OR52K1: variants seen among roughly 807,000 people sequenced by gnomAD.
OR52K1 encodes olfactory receptor 52K1.
In OR52K1, 10 loss-of-function variants were observed where a neutral mutation model predicts 8.7. The ratio of observed to expected loss-of-function variants is 1.15; its 90% CI spans 0.71 to 1.95. OR52K1 has a LOEUF of 1.95. Among genes scored for constraint, OR52K1 ranks in the 30% most tolerant of loss-of-function variants. OR52K1 has a pLI of 0.00. For synonymous variants in OR52K1, 203 were observed against 148.5 expected, an observed-to-expected ratio of 1.37 and a Z score of -2.67; for missense variants, 431 against 397.2, an observed-to-expected ratio of 1.08 and a Z score of -0.72.
At position 4,489,299 on chromosome 11, in the gene OR52K1, C is replaced by T. The variant is rs763402416; in HGVS notation, c.399C>T (p.His133=). 2.9e-5 allele frequency: 47 copies of T among 1,614,128 alleles called. 1 individual carries two copies. The highest frequency in any genetic ancestry group is 1.9e-5 in the Non-Finnish European group (23 of 1,180,058). The change falls in exon 2 of 2, where the codon CAC becomes CAT. Residue 133 remains histidine, a synonymous_variant. Coordinates refer to ENST00000641528, the MANE Select transcript of OR52K1 (RefSeq NM_001005171.3). ...ATGTGGCCATCTGCAAGCCATTGCA[C>T]TACACGACGGTCCTGACTGGGTCCC... The part of the protein sequence containing the change: ...DRYVAICKPL[H]YTTVLTGSLI...
Position 4,490,184 on chromosome 11 carries a change from G to T in OR52K1, c.*339G>T. The T allele has an allele frequency of 4.3e-6, 1 of 234,226 alleles. No homozygotes were observed. 14.5% of individuals were successfully genotyped at this position (234,226 alleles called of 1,614,324 possible). A position where few individuals can be genotyped will look rare whatever the true frequency, so the allele number is the denominator to read the frequency against. ...CCCAAACAGCTGAGTCACCCAAACA[G>T]GTGACTTCTTTATCCAGGTATGAGT... On this transcript the variant is annotated 3_prime_UTR_variant, in exon 2 of 2. Coordinates refer to ENST00000641528, the MANE Select transcript of OR52K1 (RefSeq NM_001005171.3).
chr11:4,490,272 C>T lies in OR52K1; in HGVS notation c.*427C>T, dbSNP rs998593661. On this transcript the variant is annotated 3_prime_UTR_variant, in exon 2 of 2. Transcript: ENST00000641528. Reference sequence around the variant, plus strand: ...TTATTCCTTTTAGTACTGAAATTACCCCCATGTCTTTTCTGACAAGTACCC... The same window carrying T: ...TTATTCCTTTTAGTACTGAAATTACTCCCATGTCTTTTCTGACAAGTACCC... 1.2e-5 allele frequency: 2 copies of T among 165,502 alleles called. No homozygotes were observed. Among genetic ancestry groups the T allele is most frequent in the Non-Finnish European group, 2.7e-5 (2 of 75,050 alleles). 10.3% of individuals were successfully genotyped at this position (165,502 alleles called of 1,614,324 possible).
At chr11:4,483,932 T>C (rs1048976687) in intron 1 of OR52K1, among the ~76,000 whole-genome samples, 8 of 152,142 alleles carry the variant, frequency 5.3e-5, no homozygotes, top group Non-Finnish European at 1.2e-4. Context: ...TAAAATAGTA[T>C]TTTCCATTAA....
At chr11:4,483,491 C>A (rs906958490) in intron 1 of OR52K1, among the ~76,000 whole-genome samples, 1 of 152,192 alleles carries the variant, frequency 6.6e-6, no homozygotes, top group Admixed American at 6.5e-5. Context: ...GGGAAGAAGA[C>A]TGGCTCCATT....
In OR52K1 at chr11:4,491,889, T is replaced by C. The variant is rs1004181487; in HGVS notation, c.*2044T>C. ...CTCCCGTGACACAAGTTTATTTATATAACACACCTGCACATGTACCTCTAA... is the reference window on the plus strand; with the variant it reads ...CTCCCGTGACACAAGTTTATTTATACAACACACCTGCACATGTACCTCTAA... On this transcript the variant is annotated 3_prime_UTR_variant, in exon 2 of 2. Transcript: ENST00000641528. 1.1e-4 allele frequency: 16 copies of C among 152,262 alleles called. No homozygotes were observed. Among genetic ancestry groups the C allele is most frequent in the Admixed American group, 1.3e-4 (2 of 15,302 alleles). The allele number at this position is 152,262 out of a possible 1,614,324, so 9.4% of individuals were successfully genotyped here.
chr11:4,483,809 G>T (rs932170436), intron 1 of OR52K1, among the ~76,000 whole-genome samples: 2 of 152,134 alleles, frequency 1.3e-5, no homozygotes, highest in African/African-American at 4.8e-5. Flanking sequence ...TATTTTAGAA[G>T]AGTTTCTTAG....
At chr11:4,483,962 T>G (rs1329077027) in intron 1 of OR52K1, among the ~76,000 whole-genome samples, 1 of 152,264 alleles carries the variant, frequency 6.6e-6, no homozygotes, top group Non-Finnish European at 1.5e-5. Flanking sequence ...TTTATTCTGA[T>G]GCAGGTAACA....
In OR52K1 at chr11:4,488,562, C is replaced by T; in HGVS notation, c.-328-11C>T. The T allele has an allele frequency of 9.2e-6, 2 of 216,640 alleles. No homozygotes were observed. Among genetic ancestry groups the T allele is most frequent in the Non-Finnish European group, 1.8e-5 (2 of 109,364 alleles). The allele number at this position is 216,640 out of a possible 1,614,324, so 13.4% of individuals were successfully genotyped here. On this transcript the variant is annotated splice_polypyrimidine_tract_variant and intron_variant, in intron 1 of 1. Coordinates refer to ENST00000641528, the MANE Select transcript of OR52K1 (RefSeq NM_001005171.3). ...ATGAATTGATTTAAACATATTTTCA[C>T]TTTTTTCAAGGTATTCATGACATCA...
Position 4,490,018 on chromosome 11 carries a change from T to A in OR52K1, c.*173T>A, listed in dbSNP as rs1846360567. On this transcript the variant is annotated 3_prime_UTR_variant, in exon 2 of 2. Transcript: ENST00000641528. ...TCTACGAGTCAGGTCAAACCAGGAG[T>A]GCACCTATAGTCTGGTCTGATAGTA... The A allele has an allele frequency of 1.6e-6, 1 of 609,658 alleles. No individual in the cohort carries two copies. Among genetic ancestry groups the A allele is most frequent in the Non-Finnish European group, 2.9e-6 (1 of 346,496 alleles). The allele number at this position is 609,658 out of a possible 1,614,324, so 37.8% of individuals were successfully genotyped here. A position where few individuals can be genotyped will look rare whatever the true frequency, so the allele number is the denominator to read the frequency against.
At chr11:4,487,148 G>A (rs925043215) in intron 1 of OR52K1, among the ~76,000 whole-genome samples, 1 of 152,188 alleles carries the variant, frequency 6.6e-6, no homozygotes, top group African/African-American at 2.4e-5. Context: ...TGAGAGAGTT[G>A]AGATTGTAGA....
Position 4,488,920 on chromosome 11 carries a change from C to G in OR52K1, c.20C>G (p.Thr7Ser). The G allele has an allele frequency of 1.9e-6, 3 of 1,613,674 alleles. No individual in the cohort carries two copies. Among genetic ancestry groups the G allele is most frequent in the African/African-American group, 2.7e-5 (2 of 75,022 alleles). The change falls in exon 2 of 2, where the codon ACC (threonine) becomes AGC (serine). Residue 7 changes from threonine (T) to serine (S), a missense_variant. By Grantham distance (58) the Thr-to-Ser change is moderately conservative. Transcript: ENST00000641528. ...GGAGCCATGCTTCCCTCTAATATCA[C>G]CTCAACACATCCAGCTGTCTTTTTG... MLPSNI[T>S]STHPAVFLLV...
chr11:4,484,935 TCAAAA>T (rs1846309569), intron 1 of OR52K1, among the ~76,000 whole-genome samples: 1 of 152,014 alleles, frequency 6.6e-6, no homozygotes, highest in Non-Finnish European at 1.5e-5. Context: ...TCCAAATTCC[TCAAAA>T]AAGTTAGCCA....
At chr11:4,487,849 A>G (rs1846332692) in intron 1 of OR52K1, among the ~76,000 whole-genome samples, 1 of 152,136 alleles carries the variant, frequency 6.6e-6, no homozygotes, top group South Asian at 2.1e-4. Context: ...TTTTATACAA[A>G]CATATATTTT....
chr11:4,483,742 G>C (rs967348492), intron 1 of OR52K1, among the ~76,000 whole-genome samples: 2 of 152,106 alleles, frequency 1.3e-5, no homozygotes, highest in Admixed American at 6.5e-5. Flanking sequence ...GGGTTTTGTG[G>C]AAAATACATA....
chr11:4,485,735 G>T (rs1375826543), intron 1 of OR52K1, among the ~76,000 whole-genome samples: 1 of 152,116 alleles, frequency 6.6e-6, no homozygotes. Context: ...CATCATAGAT[G>T]CCAGGGAAAA....
chr11:4,489,722 C>T lies in OR52K1; in HGVS notation c.822C>T (p.Val274=), dbSNP rs2133108490. The T allele has an allele frequency of 6.2e-7, 1 of 1,614,194 alleles. No individual in the cohort carries two copies. Among genetic ancestry groups the T allele is most frequent in the Non-Finnish European group, 8.5e-7 (1 of 1,180,034 alleles). Residue 274 remains valine (V), a synonymous_variant, in exon 2 of 2, where the codon GTC becomes GTT. Coordinates refer to ENST00000641528, the MANE Select transcript of OR52K1 (RefSeq NM_001005171.3). ...TAGCCCGCCATGCTGCCCCTCGTGTCCACATACTCCTTGCTATTTTCTATC... is the reference window on the plus strand; with the variant it reads ...TAGCCCGCCATGCTGCCCCTCGTGTTCACATACTCCTTGCTATTTTCTATC... ...HRVARHAAPR[V]HILLAIFYLL... is the part of the protein sequence containing the mutation.
In OR52K1 at chr11:4,491,504, T is replaced by TCA. The variant is rs1228264439; in HGVS notation, c.*1662_*1663dup. On this transcript the variant is annotated 3_prime_UTR_variant, in exon 2 of 2. Transcript: ENST00000641528. ...ATGTGTACATTCACTGCAGCACTAT[T>TCA]CACAATAGCAAAGACACGGAATCAA... is the stretch of plus-strand genomic sequence containing the variant. 1 of 152,214 alleles carries TCA rather than the reference T, an allele frequency of 6.6e-6. No individual in the cohort carries two copies. The highest frequency in any genetic ancestry group is 2.4e-5 in the African/African-American group (1 of 41,448). 9.4% of individuals were successfully genotyped at this position (152,214 alleles called of 1,614,324 possible).
chr11:4,485,915 C>T (rs1846317578), intron 1 of OR52K1, among the ~76,000 whole-genome samples: 1 of 152,186 alleles, frequency 6.6e-6, no homozygotes, highest in Non-Finnish European at 1.5e-5. Flanking sequence ...CCTACCTGTG[C>T]TGGCTGCCTG....
Position 4,485,400 on chromosome 11 carries a change from T to A in OR52K1, c.-329+2224T>A, listed in dbSNP as rs1024699709. 2.6e-5 allele frequency among the ~76,000 whole-genome samples: 4 copies of A among 152,210 alleles called. No individual in the cohort carries two copies. In the East Asian group the frequency reaches 7.7e-4, roughly 29 times the overall value. ...GTATTACCATATTCACTTGAATTTC[T>A]GATATCTCAAACTCACCATGTTCAA... On this transcript the variant is annotated intron_variant, in intron 1 of 1. Coordinates refer to ENST00000641528, the MANE Select transcript of OR52K1 (RefSeq NM_001005171.3).
Sources: allele counts gnomAD v4.1 joint callset (sites outside exome capture counted in the v4.1 genomes callset), GRCh38; gene constraint gnomAD v4.1.1; transcripts MANE v1.5; gene names NCBI Gene and HGNC (gene_info 2026-07-23, HGNC 2026-07-21).